NIBAN1: variants seen among roughly 807,000 people sequenced by gnomAD.
NIBAN1 encodes niban apoptosis regulator 1.
A neutral mutation model predicts 75.1 loss-of-function variants in NIBAN1; 81 were observed. That is an observed-to-expected ratio of 1.08 (90% CI 0.90 to 1.30). The LOEUF is 1.30. Among genes scored for constraint, NIBAN1 ranks in the 50% most tolerant of loss-of-function variants. The pLI is 0.00. For missense variants in NIBAN1, 1,133 were observed against 1,128.1 expected (o/e 1.00, Z -0.06); for synonymous variants, 436 against 424.8 (o/e 1.03, Z -0.32).
intron 1 of NIBAN1, among the ~76,000 whole-genome samples, chr1:184,932,018 C>T (rs752219838): frequency 2.6e-5 from 4 of 152,148 alleles, no homozygotes; most frequent in Non-Finnish European, 5.9e-5. Flanking sequence ...TTACCCCTCC[C>T]AGGGCTACTA....
chr1:184,845,943 C>A (rs1405246804), intron 5 of NIBAN1, among the ~76,000 whole-genome samples: 1 of 78,916 alleles, frequency 1.3e-5, no homozygotes, highest in East Asian at 2.6e-4. Flanking sequence ...CACCACGAGA[C>A]TATATCCCAC....
chr1:184,862,364 G>A (rs1390649218), intron 5 of NIBAN1, among the ~76,000 whole-genome samples: 3 of 151,738 alleles, frequency 2.0e-5, no homozygotes, highest in Non-Finnish European at 2.9e-5. Flanking sequence ...GGAGTGCTGT[G>A]GCTATTCACA....
intron 4 of NIBAN1, among the ~76,000 whole-genome samples, chr1:184,887,313 A>C (rs1216259180): frequency 6.6e-6 from 1 of 152,168 alleles, no homozygotes; most frequent in Non-Finnish European, 1.5e-5. Flanking sequence ...GAGCAAATGA[A>C]TGAATGATTG....
intron 1 of NIBAN1, among the ~76,000 whole-genome samples, chr1:184,968,610 C>T (rs1421698071): frequency 6.6e-6 from 1 of 152,188 alleles, no homozygotes; most frequent in Non-Finnish European, 1.5e-5. Flanking sequence ...ATACTATAAT[C>T]TTTACCCACT....
chr1:184,823,710 C>T lies in NIBAN1; in HGVS notation c.750G>A (p.Leu250=), dbSNP rs1189940870. 6.2e-7 allele frequency: 1 copy of T among 1,614,006 alleles called. No individual in the cohort carries two copies. ...GCAGCAGGTCTGTCTGAAGAGTGGG[C>T]AGGAGCTCCTCCATCACCAGGTTAC... The part of the protein sequence containing the change: ...ILSNLVMEEL[L]PTLQTDLLPK... Residue 250 remains leucine (L), a synonymous_variant, in exon 7 of 14, where the codon CTG becomes CTA. Coordinates refer to ENST00000367511, the MANE Select transcript of NIBAN1 (RefSeq NM_052966.4).
intron 8 of NIBAN1, 77 bp from the exon 9 acceptor site, chr1:184,818,902 G>A (rs1030511445): frequency 4.9e-5 from 73 of 1,477,560 alleles, no homozygotes; most frequent in Non-Finnish European, 6.6e-5. Flanking sequence ...GACCAGAGCT[G>A]AATGGTGCCC....
At chr1:184,946,531 A>T (rs1658229746) in intron 1 of NIBAN1, among the ~76,000 whole-genome samples, 1 of 152,202 alleles carries the variant, frequency 6.6e-6, no homozygotes, top group Non-Finnish European at 1.5e-5. Flanking sequence ...TTGGAGCTTA[A>T]CTGTAATACC....
intron 1 of NIBAN1, among the ~76,000 whole-genome samples, chr1:184,946,126 T>C (rs1658219050): frequency 6.6e-6 from 1 of 152,208 alleles, no homozygotes; most frequent in Admixed American, 6.5e-5. Flanking sequence ...CTAATGGTTA[T>C]GTTAGGCACA....
At chr1:184,823,507 G>A in intron 7 of NIBAN1, 131 bp downstream of exon 7, 1 of 1,235,682 alleles carries the variant, frequency 8.1e-7, no homozygotes, top group Non-Finnish European at 1.1e-6. Context: ...GTGAGACTCA[G>A]CAGGTTCGAA....
At chr1:184,884,320 T>C (rs1656454823) in intron 5 of NIBAN1, among the ~76,000 whole-genome samples, 1 of 149,552 alleles carries the variant, frequency 6.7e-6, no homozygotes, top group African/African-American at 2.5e-5. Context: ...GCCTCCCGGG[T>C]TCAAGTAATT....
intron 6 of NIBAN1, among the ~76,000 whole-genome samples, chr1:184,829,014 A>G (rs943899596): frequency 3.9e-5 from 6 of 152,096 alleles, no homozygotes; most frequent in Non-Finnish European, 7.4e-5. Flanking sequence ...TGCCCAGGCT[A>G]ATCTCGAACT....
intron 5 of NIBAN1, among the ~76,000 whole-genome samples, chr1:184,855,561 T>A (rs1057322366): frequency 6.6e-6 from 1 of 152,112 alleles, no homozygotes; most frequent in Admixed American, 6.6e-5. Context: ...TACAATTTAT[T>A]TTATATGTTG....
chr1:184,853,176 CAA>C (rs1473865104), intron 5 of NIBAN1, among the ~76,000 whole-genome samples: 1 of 152,046 alleles, frequency 6.6e-6, no homozygotes, highest in African/African-American at 2.4e-5. Flanking sequence ...TACCATTTAC[CAA>C]AAGCATTGTG....
At chr1:184,892,782 T>C (rs552883976) in intron 3 of NIBAN1, among the ~76,000 whole-genome samples, 192 of 151,954 alleles carry the variant, frequency 1.3e-3, no homozygotes, top group African/African-American at 4.2e-3. Context: ...TCTTTTTTTA[T>C]TTTTTTTGAG....
intron 6 of NIBAN1, among the ~76,000 whole-genome samples, chr1:184,830,078 G>A (rs1422842684): frequency 6.6e-6 from 1 of 152,208 alleles, no homozygotes; most frequent in Non-Finnish European, 1.5e-5. Flanking sequence ...TCAGTGCTCA[G>A]TAAATAGTAG....
chr1:184,906,924 T>C (rs965479016), intron 1 of NIBAN1, among the ~76,000 whole-genome samples: 2 of 152,218 alleles, frequency 1.3e-5, no homozygotes, highest in African/African-American at 4.8e-5. Context: ...ATCTACTGTT[T>C]ATCAGCAGTC....
At chr1:184,828,241 C>G (rs1654898000) in intron 6 of NIBAN1, among the ~76,000 whole-genome samples, 1 of 152,104 alleles carries the variant, frequency 6.6e-6, no homozygotes, top group Non-Finnish European at 1.5e-5. Flanking sequence ...CCTAAAATAA[C>G]CATCGCTATG....
chr1:184,798,148 T>G lies in NIBAN1; in HGVS notation c.1597A>C (p.Asn533His), dbSNP rs1242766185. The G allele has an allele frequency of 6.2e-7, 1 of 1,610,566 alleles. No homozygotes were observed. Among genetic ancestry groups the G allele is most frequent in the South Asian group, 1.1e-5 (1 of 90,902 alleles). Reference protein sequence around the residue: ...YEQFIFADHTNMIHVENVYEE... With the variant: ...YEQFIFADHTHMIHVENVYEE... Reference sequence around the variant, plus strand: ...TAGACATTTTCAACGTGAATCATATTGGTATGATCTGCAAAGATGAACTGC... The same window carrying G: ...TAGACATTTTCAACGTGAATCATATGGGTATGATCTGCAAAGATGAACTGC... Residue 533 changes from asparagine to histidine, a missense_variant, in exon 13 of 14, where the codon AAT becomes CAT. Physicochemically the swap from Asn to His is moderately conservative, Grantham distance 68. Coordinates refer to ENST00000367511, the MANE Select transcript of NIBAN1 (RefSeq NM_052966.4).
At chr1:184,826,645 C>T (rs520605) in intron 6 of NIBAN1, among the ~76,000 whole-genome samples, 119,011 of 152,130 alleles carry the variant, frequency 0.78, 47,240 homozygotes, top group African/African-American at 0.91. Context: ...AGAGACTGGT[C>T]AGAATTTTAG....
Sources: gnomAD v4.1 joint callset for allele counts (sites outside exome capture counted in the v4.1 genomes callset) on GRCh38, gnomAD v4.1.1 for gene constraint, MANE v1.5 for transcripts, NCBI Gene and HGNC (gene_info 2026-07-23, HGNC 2026-07-21) for gene names.